The following RELCH variants were observed in gnomAD, a reference collection of about 807,000 sequenced individuals.
RELCH encodes the protein RAB11-binding protein RELCH.
A neutral mutation model predicts 150.3 loss-of-function variants in RELCH; 41 were observed. That is an observed-to-expected ratio of 0.27 (90% confidence interval 0.21 to 0.35). The LOEUF is 0.35. RELCH is among the 10% of genes least tolerant of loss of function. The pLI, the probability that RELCH is intolerant of heterozygous loss-of-function variation, is 1.00. For missense variants in RELCH, 1,092 were observed against 1,467.8 expected (o/e 0.74, Z 4.18); for synonymous variants, 478 against 531.8 (o/e 0.90, Z 1.39).
chr18:62,235,583 A>G (rs980641396), intron 10 of RELCH, among the ~76,000 whole-genome samples: 1 of 152,028 alleles, frequency 6.6e-6, no homozygotes, highest in African/African-American at 2.4e-5. Flanking sequence ...CAGTTCATGG[A>G]CATGGAATGT....
At chr18:62,235,243 T>C (rs148670083) in intron 10 of RELCH, 5 of 152,084 alleles carry the variant, frequency 3.3e-5, no homozygotes, top group Admixed American at 3.3e-4. Flanking sequence ...TTTTGAATAG[T>C]CTTGCTACTT....
At chr18:62,212,070 G>A (rs1305044300) in intron 2 of RELCH, among the ~76,000 whole-genome samples, 3 of 152,148 alleles carry the variant, frequency 2.0e-5, no homozygotes, top group Non-Finnish European at 2.9e-5. Flanking sequence ...TCCCATACCA[G>A]TCTTGCCTTC....
intron 2 of RELCH, among the ~76,000 whole-genome samples, chr18:62,217,536 A>G (rs2040561056): frequency 6.6e-6 from 1 of 151,992 alleles, no homozygotes; most frequent in Non-Finnish European, 1.5e-5. Flanking sequence ...TGGTGCCATT[A>G]TTGGAGAGAC....
chr18:62,244,100 G>A (rs2042283119), intron 10 of RELCH, among the ~76,000 whole-genome samples: 1 of 152,028 alleles, frequency 6.6e-6, no homozygotes, highest in Non-Finnish European at 1.5e-5. Context: ...TTAATTTCAA[G>A]TGTCTCTTAG....
chr18:62,227,449 T>C lies in RELCH; in HGVS notation c.1019T>C (p.Ile340Thr), dbSNP rs769218271. ...GAATTAGAGGCCCTTACACCAATTA[T>C]AAGCAACCTTCCTCCAACTCTTGAA... is the stretch of plus-strand genomic sequence containing the variant. ...EDELEALTPIISNLPPTLETP... is the reference protein window; with the variant it reads ...EDELEALTPITSNLPPTLETP... The change falls in exon 6 of 29, where the codon ATA (isoleucine) becomes ACA (threonine). Residue 340 changes from isoleucine (I) to threonine (T), a missense_variant. By Grantham distance (89) the Ile-to-Thr change is moderately conservative. This residue lies in a region of RELCH where 57 missense variants were observed against 41.5 expected (regional missense o/e 1.37). Coordinates refer to ENST00000644646, the MANE Select transcript of RELCH (RefSeq NM_001346231.2). The C allele has an allele frequency of 3.1e-6, 5 of 1,613,324 alleles. No individual in the cohort carries two copies. The Admixed American group carries it at 5.0e-5, about 16-fold the overall frequency.
intron 1 of RELCH, among the ~76,000 whole-genome samples, chr18:62,207,466 T>C (rs1199767136): frequency 6.6e-6 from 1 of 152,224 alleles, no homozygotes; most frequent in Non-Finnish European, 1.5e-5. Context: ...TGAATAATTA[T>C]GTACAAGATT....
intron 1 of RELCH, among the ~76,000 whole-genome samples, chr18:62,204,209 C>G (rs13381334): frequency 6.6e-6 from 1 of 151,234 alleles, no homozygotes; most frequent in African/African-American, 2.4e-5. Flanking sequence ...TTTAATAATT[C>G]GAAGGAATAA....
chr18:62,281,429 A>G (rs2044510584), intron 24 of RELCH, among the ~76,000 whole-genome samples: 1 of 152,240 alleles, frequency 6.6e-6, no homozygotes, highest in African/African-American at 2.4e-5. Context: ...CTCTTGTTGC[A>G]GAGTAGATCT....
rs1295056672 is a variant in RELCH at position 62,232,397 on chromosome 18, T to C, written c.1590T>C (p.Ile530=). 6.2e-7 allele frequency: 1 copy of C among 1,611,082 alleles called. No individual in the cohort carries two copies. Among genetic ancestry groups the C allele is most frequent in the East Asian group, 2.2e-5 (1 of 44,826 alleles). ...MLMLGRCLPH[I]VPNVLLAKRE... is the part of the protein sequence containing the mutation. ...TGCTGGGACGCTGCCTGCCACACAT[T>C]GTTCCCAATGTGCTATTGGCAAAGA... The change falls in exon 10 of 29, where the codon ATT becomes ATC. Residue 530 remains isoleucine (I), a synonymous_variant. Transcript: ENST00000644646.
chr18:62,266,838 A>G (rs2043591016), intron 19 of RELCH, 89 bp downstream of exon 19: 1 of 758,618 alleles, frequency 1.3e-6, no homozygotes, highest in Admixed American at 2.9e-5. Context: ...AATTGTATAA[A>G]TGAACTAGCA....
chr18:62,293,320 G>T (rs1358817366), intron 27 of RELCH, among the ~76,000 whole-genome samples: 1 of 152,184 alleles, frequency 6.6e-6, no homozygotes, highest in Non-Finnish European at 1.5e-5. Flanking sequence ...TCCAAAATAT[G>T]TAGGAGAGAC....
At chr18:62,211,922 A>G (rs1413745594) in intron 2 of RELCH, among the ~76,000 whole-genome samples, 1 of 152,178 alleles carries the variant, frequency 6.6e-6, no homozygotes, top group African/African-American at 2.4e-5. Flanking sequence ...TCCAAAAAAA[A>G]GAGGGTTAAA....
intron 10 of RELCH, 67 bp downstream of exon 10, chr18:62,232,494 A>C: frequency 2.2e-6 from 2 of 923,856 alleles, no homozygotes; most frequent in Non-Finnish European, 3.5e-6. Flanking sequence ...GTCATTTTGA[A>C]GTTGAGTGTT....
chr18:62,255,358 A>C (rs1342798300), intron 12 of RELCH, 49 bp from the exon 13 acceptor site: 3 of 1,178,040 alleles, frequency 2.5e-6, no homozygotes, highest in Non-Finnish European at 2.5e-6. Flanking sequence ...TTTTGAAGGA[A>C]GGGAGGGTAT....
intron 28 of RELCH, among the ~76,000 whole-genome samples, chr18:62,304,046 TAGAAAG>T (rs1233084811): frequency 6.6e-6 from 1 of 152,116 alleles, no homozygotes; most frequent in Non-Finnish European, 1.5e-5. Context: ...AATTCACTGT[TAGAAAG>T]AGAGGAAAAT....
At chr18:62,282,478 G>A (rs757773116) in intron 25 of RELCH, 34 bp downstream of exon 25, 3 of 1,604,232 alleles carry the variant, frequency 1.9e-6, no homozygotes, top group Admixed American at 3.5e-5. Flanking sequence ...TTCCTGAATT[G>A]TAATGTAAGA....
chr18:62,258,183 A>G (rs2043080771), intron 14 of RELCH, 95 bp downstream of exon 14: 1 of 1,168,894 alleles, frequency 8.6e-7, no homozygotes, highest in Non-Finnish European at 1.2e-6. Flanking sequence ...ATAATGTATC[A>G]TAAGGATGGC....
intron 2 of RELCH, 125 bp downstream of exon 2, chr18:62,211,367 G>T (rs2040158033): frequency 1.9e-6 from 1 of 516,948 alleles, no homozygotes; most frequent in Non-Finnish European, 3.4e-6. Context: ...ATTATACAAA[G>T]TTATGTTACT....
intron 10 of RELCH, among the ~76,000 whole-genome samples, chr18:62,241,083 C>T (rs964880235): frequency 6.6e-6 from 1 of 152,158 alleles, no homozygotes; most frequent in Non-Finnish European, 1.5e-5. Flanking sequence ...CTTACTGCAA[C>T]CTTAGCTTTA....
Sources: gnomAD v4.1 joint callset for allele counts (sites outside exome capture counted in the v4.1 genomes callset) on GRCh38, gnomAD v4.1.1 for gene constraint, gnomAD v4.1.1 regional missense constraint, MANE v1.5 for transcripts, NCBI Gene and HGNC (gene_info 2026-07-23, HGNC 2026-07-21) for gene names.